METTL4: variants seen among roughly 807,000 people sequenced by gnomAD.
METTL4 encodes N(6)-adenine-specific methyltransferase METTL4.
Under a neutral mutation model 54.0 loss-of-function variants are expected in METTL4, and 40 were observed. The observed-to-expected ratio is 0.74, with a 90% CI of 0.58 to 0.96. The LOEUF (loss-of-function observed/expected upper bound fraction) is 0.96. Among genes scored for constraint, METTL4 ranks in the 50% least tolerant of loss-of-function variants. The probability of loss-of-function intolerance (pLI) is 0.00; values close to 1 mark genes in which losing one functional copy is unlikely to be tolerated. For missense variants in METTL4, 525 were observed against 549.0 expected, an observed-to-expected ratio of 0.96 and a Z score of 0.44; for synonymous variants, 169 against 183.8, an observed-to-expected ratio of 0.92 and a Z score of 0.65.
intron 5 of METTL4, among the ~76,000 whole-genome samples, chr18:2,549,696 A>T (rs2072122725): frequency 1.3e-5 from 2 of 151,918 alleles, no homozygotes; most frequent in South Asian, 2.1e-4. Context: ...CTTAAAACAA[A>T]TAGGGCTGGG....
Position 2,567,425 on chromosome 18 carries a change from G to T in METTL4, c.-209C>A. The T allele has an allele frequency of 2.6e-6, 1 of 390,290 alleles. No homozygotes were observed. Among genetic ancestry groups the T allele is most frequent in the Non-Finnish European group, 4.5e-6 (1 of 223,076 alleles). The allele number at this position is 390,290 out of a possible 1,614,324, so 24.2% of individuals were successfully genotyped here. On this transcript the variant is annotated 5_prime_UTR_variant, in exon 2 of 9. Coordinates refer to ENST00000574538, the MANE Select transcript of METTL4 (RefSeq NM_022840.5). ...ATATACAGAAATTCTAAGGAAAATT[G>T]CAATGTTTTAATATAAACTTTCTTT... is the stretch of plus-strand genomic sequence containing the variant.
Position 2,552,701 on chromosome 18 carries a change from C to T in METTL4, c.893G>A (p.Ser298Asn), listed in dbSNP as rs199626936. ...PPWQNKSVKR[S>N]NRYSYLSPLQ... ...TGCTTTCATTTCCACTTACCTATTA[C>T]TTCTTTTAACTGATTTGTTCTGCCA... is the stretch of plus-strand genomic sequence containing the variant. The change falls in exon 5 of 9, where the codon AGT becomes AAT. Residue 298 changes from serine to asparagine, a missense_variant. Ser to Asn is a conservative substitution (Grantham distance 46). Coordinates refer to ENST00000574538, the MANE Select transcript of METTL4 (RefSeq NM_022840.5). 1.9e-6 allele frequency: 3 copies of T among 1,608,926 alleles called. No individual in the cohort carries two copies. The East Asian group carries it at 6.7e-5, about 36-fold the overall frequency.
intron 8 of METTL4, chr18:2,540,885 G>A: frequency 6.1e-6 from 6 of 985,386 alleles, no homozygotes; most frequent in Non-Finnish European, 7.2e-6. Flanking sequence ...TTAAACTGGA[G>A]TCAGCCAGTC....
intron 5 of METTL4, among the ~76,000 whole-genome samples, chr18:2,549,372 GGAGA>G (rs1392037444): frequency 2.6e-5 from 4 of 152,128 alleles, no homozygotes; most frequent in African/African-American, 9.7e-5. Context: ...GAGAAAAGGA[GGAGA>G]GAGGGAGGAG....
intron 2 of METTL4, among the ~76,000 whole-genome samples, chr18:2,566,233 C>T (rs1382903934): frequency 6.6e-6 from 1 of 151,748 alleles, no homozygotes; most frequent in Non-Finnish European, 1.5e-5. Flanking sequence ...TATGGCATTC[C>T]CAAAACTCTA....
chr18:2,548,628 C>T (rs1327741285), intron 5 of METTL4, among the ~76,000 whole-genome samples: 1 of 152,168 alleles, frequency 6.6e-6, no homozygotes. Flanking sequence ...ACTCCAATGC[C>T]ATAACCTGGA....
Position 2,554,852 on chromosome 18 carries a change from G to T in METTL4, c.646C>A (p.His216Asn). The T allele has an allele frequency of 6.2e-7, 1 of 1,613,812 alleles. No homozygotes were observed. Among genetic ancestry groups the T allele is most frequent in the Non-Finnish European group, 8.5e-7 (1 of 1,179,774 alleles). Residue 216 changes from histidine to asparagine, a missense_variant, in exon 4 of 9, where the codon CAT becomes AAT. Coordinates refer to ENST00000574538, the MANE Select transcript of METTL4 (RefSeq NM_022840.5). ...KHLPSLNEMEHQTLQLVEEDT... is the reference protein window; with the variant it reads ...KHLPSLNEMENQTLQLVEEDT... ...TCTTCCACCAATTGTAATGTCTGATGTTCCATTTCATTCAGAGAAGGCAAA... is the reference window on the plus strand; with the variant it reads ...TCTTCCACCAATTGTAATGTCTGATTTTCCATTTCATTCAGAGAAGGCAAA...
intron 5 of METTL4, among the ~76,000 whole-genome samples, chr18:2,548,320 T>C (rs1429470535): frequency 6.6e-6 from 1 of 152,128 alleles, no homozygotes; most frequent in Non-Finnish European, 1.5e-5. Context: ...GAAGTCATTA[T>C]TCTCCTGGCT....
chr18:2,556,487 T>G (rs2072240854), intron 3 of METTL4, among the ~76,000 whole-genome samples: 1 of 151,854 alleles, frequency 6.6e-6, no homozygotes. Context: ...TTACAAAAAA[T>G]TTAAAATTAT....
chr18:2,543,113 C>CA (rs34850061), intron 8 of METTL4, among the ~76,000 whole-genome samples: 28,849 of 84,984 alleles, frequency 0.34, 3,919 homozygotes, highest in Middle Eastern at 0.42. Flanking sequence ...GACTCCATCT[C>CA]AAAAAAAAAA....
chr18:2,538,001 GTA>G lies in METTL4; in HGVS notation c.*997_*998del. 2.5e-6 allele frequency: 1 copy of G among 398,354 alleles called. No individual in the cohort carries two copies. The highest frequency in any genetic ancestry group is 4.4e-6 in the Non-Finnish European group (1 of 225,928). 24.7% of individuals were successfully genotyped at this position (398,354 alleles called of 1,614,324 possible). ...TGATCACTGTGGCAGACAGACAACT[GTA>G]TATATGTTTTCAAAATTCACTGAAT... On this transcript the variant is annotated 3_prime_UTR_variant, in exon 9 of 9. Transcript: ENST00000574538.
intron 2 of METTL4, among the ~76,000 whole-genome samples, chr18:2,565,279 A>AG (rs1349223485): frequency 1.5e-4 from 22 of 146,038 alleles, no homozygotes; most frequent in Middle Eastern, 6.9e-3. Context: ...ACTCCGTCTC[A>AG]AAAAAAAAAA....
At chr18:2,569,580 G>C (rs1215685741) in intron 1 of METTL4, among the ~76,000 whole-genome samples, 1 of 151,584 alleles carries the variant, frequency 6.6e-6, no homozygotes, top group African/African-American at 2.4e-5. Flanking sequence ...CCACTGCTGA[G>C]TGTGTGGGCA....
At chr18:2,545,520 T>G (rs2072057407) in intron 6 of METTL4, among the ~76,000 whole-genome samples, 1 of 152,070 alleles carries the variant, frequency 6.6e-6, no homozygotes, top group Non-Finnish European at 1.5e-5. Flanking sequence ...GAAATTCAAT[T>G]TCACATTTCA....
intron 2 of METTL4, among the ~76,000 whole-genome samples, chr18:2,566,045 T>TTAAAAAA (rs2072407928): frequency 1.9e-4 from 1 of 5,214 alleles, no homozygotes; most frequent in Non-Finnish European, 8.4e-4. Flanking sequence ...AGACTCTGTC[T>TTAAAAAA]CAAATAAATA....
At chr18:2,558,280 T>C (rs1221933574) in intron 3 of METTL4, among the ~76,000 whole-genome samples, 3 of 152,142 alleles carry the variant, frequency 2.0e-5, no homozygotes, top group Non-Finnish European at 4.4e-5. Flanking sequence ...CTATACCCCA[T>C]TGGATTTAAG....
intron 3 of METTL4, among the ~76,000 whole-genome samples, chr18:2,560,713 T>TA (rs1365072250): frequency 1.3e-5 from 2 of 152,046 alleles, no homozygotes; most frequent in Admixed American, 6.6e-5. Flanking sequence ...CCGTGTCTAC[T>TA]AAAAAAATAC....
chr18:2,558,937 C>T (rs1453034990), intron 3 of METTL4, among the ~76,000 whole-genome samples: 1 of 152,178 alleles, frequency 6.6e-6, no homozygotes, highest in East Asian at 1.9e-4. Context: ...CTACTCCACA[C>T]CTACTAGGAT....
chr18:2,545,507 T>C (rs1458524160), intron 6 of METTL4, among the ~76,000 whole-genome samples: 3 of 152,084 alleles, frequency 2.0e-5, no homozygotes, highest in African/African-American at 7.2e-5. Context: ...CATTATAAAT[T>C]CAGAAATTCA....
Sources: gnomAD v4.1 joint callset for allele counts (sites outside exome capture counted in the v4.1 genomes callset) on GRCh38, gnomAD v4.1.1 for gene constraint, MANE v1.5 for transcripts, NCBI Gene and HGNC (gene_info 2026-07-23, HGNC 2026-07-21) for gene names.